Variants in CEP83 observed in about 807,000 individuals in gnomAD.
CEP83 encodes the protein centrosomal protein 83, also known as centrosomal protein of 83 kDa.
CEP83 carries 70 observed loss-of-function variants against 101.9 expected under a neutral mutation model. The observed-to-expected ratio is 0.69, with a 90% CI of 0.57 to 0.84. The LOEUF is 0.84. CEP83 is among the 40% of genes least tolerant of loss of function. CEP83 has a pLI of 0.00. For missense variants in CEP83, 715 were observed against 787.2 expected (o/e 0.91, Z 1.10); for synonymous variants, 264 against 267.9 (o/e 0.99, Z 0.14).
intron 11 of CEP83, among the ~76,000 whole-genome samples, chr12:94,354,715 A>T (rs986397010): frequency 6.6e-6 from 1 of 152,224 alleles, no homozygotes; most frequent in East Asian, 1.9e-4. Context: ...GGAGGAAATT[A>T]AAAAATTAAC....
chr12:94,306,277 A>C (rs1969007303), downstream of CEP83: 1 of 151,930 alleles, frequency 6.6e-6, no homozygotes, highest in Non-Finnish European at 1.5e-5. Context: ...TTCACACTGG[A>C]GTATTATATA....
At chr12:94,273,917 T>C in the CEP83 span, among the ~76,000 whole-genome samples, 59 of 152,132 alleles carry the variant, frequency 3.9e-4, no homozygotes, top group African/African-American at 1.3e-3. Context: ...GTCCCTACAT[T>C]CCGTGGTGTC....
chr12:94,297,500 T>A, the CEP83 span: 1 of 999,666 alleles, frequency 1.0e-6, no homozygotes, highest in East Asian at 2.6e-5. Flanking sequence ...TCCACTGAAG[T>A]GTGAAAATGT....
At chr12:94,274,163 A>T in the CEP83 span, among the ~76,000 whole-genome samples, 1 of 130,562 alleles carries the variant, frequency 7.7e-6, no homozygotes, top group African/African-American at 2.7e-5. Flanking sequence ...TCTAAAAAAA[A>T]AAAAAAAAAA....
chr12:94,363,016 A>G (rs1476279797), intron 11 of CEP83, among the ~76,000 whole-genome samples: 1 of 152,260 alleles, frequency 6.6e-6, no homozygotes, highest in East Asian at 1.9e-4. Context: ...AATAGTGGTT[A>G]CTAGAGGCTG....
intron 6 of CEP83, among the ~76,000 whole-genome samples, chr12:94,398,284 T>C (rs967641455): frequency 6.6e-6 from 1 of 151,816 alleles, no homozygotes; most frequent in Non-Finnish European, 1.5e-5. Flanking sequence ...GGGCTGGGAG[T>C]TGGTATATCT....
chr12:94,293,109 C>T, the CEP83 span, among the ~76,000 whole-genome samples: 3 of 152,024 alleles, frequency 2.0e-5, no homozygotes, highest in African/African-American at 7.2e-5. Context: ...TCTTTTCTGT[C>T]GAGCTTCTTC....
intron 2 of CEP83, chr12:94,424,471 G>A: frequency 6.2e-7 from 1 of 1,614,002 alleles, no homozygotes; most frequent in Non-Finnish European, 8.5e-7. Context: ...TATCTCGAAG[G>A]ATACGGGTGG....
At chr12:94,454,430 A>G (rs2067488863) in intron 1 of CEP83, among the ~76,000 whole-genome samples, 1 of 152,238 alleles carries the variant, frequency 6.6e-6, no homozygotes, top group Admixed American at 6.5e-5. Context: ...AAATGCACCA[A>G]TCAGCGCTCT....
chr12:94,424,998 A>AGG, intron 2 of CEP83: 1 of 1,082,250 alleles, frequency 9.2e-7, no homozygotes, highest in Admixed American at 2.0e-5. Context: ...AACGAGTGAG[A>AGG]GAGAGAGAGA....
intron 14 of CEP83, chr12:94,328,203 A>G: frequency 4.4e-6 from 1 of 229,252 alleles, no homozygotes; most frequent in Non-Finnish European, 9.0e-6. Flanking sequence ...AACCCAACTC[A>G]CTGTGTTCAC....
intron 11 of CEP83, among the ~76,000 whole-genome samples, chr12:94,352,789 CCAGTCAGA>C (rs1196068157): frequency 2.0e-5 from 3 of 151,976 alleles, no homozygotes; most frequent in African/African-American, 7.2e-5. Context: ...TTAAAATAAT[CCAGTCAGA>C]CAAATAATAA....
At chr12:94,424,546 G>A in intron 2 of CEP83, 2 of 1,613,586 alleles carry the variant, frequency 1.2e-6, no homozygotes, top group Non-Finnish European at 1.7e-6. Flanking sequence ...ACAGTGGGAG[G>A]TTTGAGATGT....
downstream of CEP83, chr12:94,303,800 C>G: frequency 2.5e-6 from 4 of 1,601,848 alleles, no homozygotes; most frequent in Non-Finnish European, 3.4e-6. Context: ...ATATCCCAAC[C>G]TACAAAGAAG....
At chr12:94,312,496 A>G in intron 15 of CEP83, 1 of 685,556 alleles carries the variant, frequency 1.5e-6, no homozygotes, top group Non-Finnish European at 1.8e-6. Context: ...CCTGATTATC[A>G]GATGTGCTTG....
intron 4 of CEP83, 117 bp downstream of exon 4, chr12:94,411,580 C>T (rs1443636089): frequency 4.2e-6 from 3 of 706,288 alleles, no homozygotes; most frequent in African/African-American, 3.6e-5. Context: ...CTTGGAGATA[C>T]AGCAAAGTAA....
intron 4 of CEP83, among the ~76,000 whole-genome samples, chr12:94,411,443 A>T (rs1052103109): frequency 5.3e-5 from 8 of 152,138 alleles, no homozygotes; most frequent in Non-Finnish European, 7.4e-5. Flanking sequence ...AATTATTCTT[A>T]ATGGTTAAAT....
intron 11 of CEP83, among the ~76,000 whole-genome samples, chr12:94,341,573 G>A (rs1427348835): frequency 2.0e-5 from 3 of 149,708 alleles, no homozygotes; most frequent in East Asian, 1.9e-4. Context: ...CATGCAAATC[G>A]TGTGAATTTA....
intron 14 of CEP83, among the ~76,000 whole-genome samples, chr12:94,327,590 GT>G (rs1187068491): frequency 6.6e-6 from 1 of 152,106 alleles, no homozygotes; most frequent in Non-Finnish European, 1.5e-5. Context: ...TATCTGACAT[GT>G]GTTTTTTATC....
Sources: gnomAD v4.1 joint callset for allele counts (sites outside exome capture counted in the v4.1 genomes callset) on GRCh38, gnomAD v4.1.1 for gene constraint, MANE v1.5 for transcripts, NCBI Gene and HGNC (gene_info 2026-07-23, HGNC 2026-07-21) for gene names.